The following DACH1 variants were observed in gnomAD, a reference collection of about 807,000 sequenced individuals.
DACH1 encodes dachshund family transcription factor 1.
Under a neutral mutation model 54.2 loss-of-function variants are expected in DACH1, and 12 were observed. The ratio of observed to expected loss-of-function variants is 0.22; its 90% confidence interval spans 0.14 to 0.36. DACH1 has a LOEUF of 0.36. DACH1 is among the 10% of genes least tolerant of loss of function. The pLI is 1.00. For synonymous variants in DACH1, 386 were observed against 366.2 expected (o/e 1.05, Z -0.62); for missense variants, 805 against 929.8 (o/e 0.87, Z 1.75).
chr13:71,530,462 A>G (rs1047094353), intron 6 of DACH1, among the ~76,000 whole-genome samples: 6 of 152,190 alleles, frequency 3.9e-5, no homozygotes, highest in African/African-American at 1.4e-4. Flanking sequence ...TTTAAAAAAA[A>G]AAGTTATTTG....
At chr13:71,816,637 CATATGTGTGT>C (rs1452865241) in intron 1 of DACH1, among the ~76,000 whole-genome samples, 2 of 25,100 alleles carry the variant, frequency 8.0e-5, no homozygotes, top group Non-Finnish European at 2.2e-4. Context: ...TATACACACA[CATATGTGTGT>C]ATATATATAC....
At chr13:71,748,964 C>CTTTCTTTCTTTCTTTCTT (rs1310558749) in intron 1 of DACH1, among the ~76,000 whole-genome samples, 3 of 25,496 alleles carry the variant, frequency 1.2e-4, no homozygotes, top group African/African-American at 2.5e-4. Flanking sequence ...CTCTTTCTTT[C>CTTTCTTTCTTTCTTTCTT]TCTCTCTCTC....
intron 3 of DACH1, among the ~76,000 whole-genome samples, chr13:71,610,320 A>G (rs1429732406): frequency 6.6e-6 from 1 of 152,214 alleles, no homozygotes. Context: ...GCTTTACTGA[A>G]CAGAATTCTA....
At position 71,733,488 on chromosome 13, in the gene DACH1, G is replaced by A. The variant is rs368671006; in HGVS notation, c.849-51578C>T. Among the ~76,000 whole-genome samples the A allele has an allele frequency of 7.1e-4, 108 of 152,176 alleles. 2 individuals are homozygous for A. The South Asian group carries it at 8.7e-3, about 12-fold the overall frequency. ...TGACCAACACACCTGGCCTATTACT[G>A]CTATTTGATATATTTATTCTTCGGA... is the stretch of plus-strand genomic sequence containing the variant. On this transcript the variant is annotated intron_variant, in intron 1 of 10. Coordinates refer to ENST00000613252, the MANE Select transcript of DACH1 (RefSeq NM_080759.6).
chr13:71,841,185 T>C (rs1872814183), intron 1 of DACH1, among the ~76,000 whole-genome samples: 1 of 152,204 alleles, frequency 6.6e-6, no homozygotes, highest in South Asian at 2.1e-4. Flanking sequence ...CTGCCTTTCA[T>C]CTGATGCAAT....
chr13:71,567,093 C>T (rs778251483), intron 4 of DACH1, among the ~76,000 whole-genome samples: 2 of 151,914 alleles, frequency 1.3e-5, no homozygotes, highest in East Asian at 1.9e-4. Flanking sequence ...CAGCGTTTTT[C>T]AATGTTTAAT....
chr13:71,864,178 CAT>C lies in DACH1; in HGVS notation c.848+1742_848+1743del, dbSNP rs1426883785. Among the ~76,000 whole-genome samples, 257 of 112,374 alleles carry C rather than the reference CAT, an allele frequency of 2.3e-3. 1 individual carries two copies. Among genetic ancestry groups the C allele is most frequent in the African/African-American group, 1.0e-2 (236 of 23,666 alleles). The allele number at this position is 112,374 out of a possible 152,430, so 73.7% of individuals were successfully genotyped here. On this transcript the variant is annotated intron_variant, in intron 1 of 10. Transcript: ENST00000613252. ...CCATACTTTTGAGCGCGCGCGCGCACATACACACACACACACACACACACACA... is the reference window on the plus strand; with the variant it reads ...CCATACTTTTGAGCGCGCGCGCGCACACACACACACACACACACACACACA...
chr13:71,571,885 G>A (rs1049142774), intron 4 of DACH1, among the ~76,000 whole-genome samples: 3 of 151,958 alleles, frequency 2.0e-5, no homozygotes, highest in Non-Finnish European at 2.9e-5. Context: ...ACAGGCGCCC[G>A]CCACCACGCC....
At chr13:71,655,921 G>C (rs1277723187) in intron 2 of DACH1, among the ~76,000 whole-genome samples, 1 of 151,966 alleles carries the variant, frequency 6.6e-6, no homozygotes, top group Non-Finnish European at 1.5e-5. Context: ...GTTATTAAAG[G>C]GAAATTCTGG....
At chr13:71,457,316 T>G (rs997253172) in intron 10 of DACH1, among the ~76,000 whole-genome samples, 4 of 152,010 alleles carry the variant, frequency 2.6e-5, no homozygotes, top group African/African-American at 9.7e-5. Flanking sequence ...AAGAGTTGAA[T>G]TGACACTTTG....
chr13:71,743,332 GA>G (rs1884481954), intron 1 of DACH1, among the ~76,000 whole-genome samples: 1 of 152,152 alleles, frequency 6.6e-6, no homozygotes, highest in Non-Finnish European at 1.5e-5. Flanking sequence ...TTGATACATG[GA>G]AATAGAATCC....
intron 6 of DACH1, among the ~76,000 whole-genome samples, chr13:71,504,915 G>A (rs1194638666): frequency 1.3e-5 from 2 of 152,054 alleles, no homozygotes; most frequent in African/African-American, 4.8e-5. Context: ...CTTGAATGGT[G>A]CCTGGCTTTT....
At chr13:71,847,242 TA>T (rs1873343797) in intron 1 of DACH1, among the ~76,000 whole-genome samples, 1 of 152,190 alleles carries the variant, frequency 6.6e-6, no homozygotes, top group South Asian at 2.1e-4. Context: ...TATTTCTATA[TA>T]AAAATCTAAA....
At chr13:71,595,055 T>C (rs1381034651) in intron 3 of DACH1, among the ~76,000 whole-genome samples, 1 of 152,134 alleles carries the variant, frequency 6.6e-6, no homozygotes, top group Admixed American at 6.5e-5. Context: ...AATAGGGTTA[T>C]GTATAAACAT....
intron 1 of DACH1, among the ~76,000 whole-genome samples, chr13:71,844,085 G>A (rs926266114): frequency 3.6e-4 from 55 of 152,046 alleles, no homozygotes; most frequent in Non-Finnish European, 1.0e-4. Flanking sequence ...CCACAGAAGG[G>A]CCCCTCACCT....
chr13:71,466,010 T>C (rs936573440), intron 10 of DACH1, among the ~76,000 whole-genome samples: 1 of 152,182 alleles, frequency 6.6e-6, no homozygotes, highest in African/African-American at 2.4e-5. Flanking sequence ...TAAAATTAAA[T>C]TTTCTTTCTT....
Position 71,559,942 on chromosome 13 carries a change from T to C in DACH1, c.1313A>G (p.Asp438Gly). 1 of 1,584,242 alleles carries C rather than the reference T, an allele frequency of 6.3e-7. No individual in the cohort carries two copies. Among genetic ancestry groups the C allele is most frequent in the Non-Finnish European group, 8.6e-7 (1 of 1,166,344 alleles). ...CAGAGAGGGGGCAGGTGAGGGGCTA[T>C]CAGGAACACGCTCCTGCACCAGCAA... ...ETSVIKERVP[D>G]SPSPAPSLEE... Residue 438 changes from aspartate to glycine, a missense_variant, in exon 5 of 11, where the codon GAT (aspartate) becomes GGT (glycine). By Grantham distance (94) the Asp-to-Gly change is moderately conservative. This residue lies in a region of DACH1 where 472 missense variants were observed against 545.3 expected (regional missense o/e 0.87). Coordinates refer to ENST00000613252, the MANE Select transcript of DACH1 (RefSeq NM_080759.6).
rs1566467402 is a variant in DACH1 at position 71,735,276 on chromosome 13, A to ATGTATATGGGATATACG, written c.849-53367_849-53366insCGTATATCCCATATACA. On this transcript the variant is annotated intron_variant, in intron 1 of 10. Coordinates refer to ENST00000613252, the MANE Select transcript of DACH1 (RefSeq NM_080759.6). ...ATATACGTGTATATGGGATACACGT[A>ATGTATATGGGATATACG]TGTATATGGGATATACACGTATACG... Among the ~76,000 whole-genome samples the ATGTATATGGGATATACG allele has an allele frequency of 7.0e-4, 25 of 35,764 alleles. 5 individuals carry two copies. Among genetic ancestry groups the ATGTATATGGGATATACG allele is most frequent in the Non-Finnish European group, 1.8e-3 (11 of 6,020 alleles). The allele number at this position is 35,764 out of a possible 152,430, so 23.5% of individuals were successfully genotyped here. A position where few individuals can be genotyped will look rare whatever the true frequency, so the allele number is the denominator to read the frequency against.
intron 1 of DACH1, among the ~76,000 whole-genome samples, chr13:71,782,338 A>G (rs1886420377): frequency 6.6e-6 from 1 of 152,154 alleles, no homozygotes. Context: ...GCCACTAAGG[A>G]GGCTGAGGCA....
Sources: gnomAD v4.1 joint callset for allele counts (sites outside exome capture counted in the v4.1 genomes callset) on GRCh38, gnomAD v4.1.1 for gene constraint, gnomAD v4.1.1 regional missense constraint, MANE v1.5 for transcripts, NCBI Gene and HGNC (gene_info 2026-07-23, HGNC 2026-07-21) for gene names.